NPNT: variants seen among roughly 807,000 people sequenced by gnomAD.
NPNT encodes preosteoblast EGF-like repeat protein with MAM domain.
In NPNT, 45 loss-of-function variants were observed where a neutral mutation model predicts 68.6. The ratio of observed to expected loss-of-function variants is 0.66; its 90% CI spans 0.52 to 0.84. The LOEUF is 0.84. Ranked by LOEUF, NPNT falls within the 40% of genes least tolerant of loss-of-function variation. The probability of loss-of-function intolerance (pLI) is 0.00; values close to 1 mark genes in which losing one functional copy is unlikely to be tolerated. For missense variants in NPNT, 672 were observed against 714.8 expected, an observed-to-expected ratio of 0.94 and a Z score of 0.68; for synonymous variants, 233 against 253.3, an observed-to-expected ratio of 0.92 and a Z score of 0.76.
At chr4:105,950,381 C>T (rs1164121975) in intron 8 of NPNT, among the ~76,000 whole-genome samples, 1 of 151,888 alleles carries the variant, frequency 6.6e-6, no homozygotes, top group African/African-American at 2.4e-5. Flanking sequence ...ATTCCTAATC[C>T]TTATGACACA....
Position 105,895,583 on chromosome 4 carries a change from C to A in NPNT, c.-70C>A. The A allele has an allele frequency of 7.9e-7, 1 of 1,265,668 alleles. No homozygotes were observed. Among genetic ancestry groups the A allele is most frequent in the Non-Finnish European group, 1.1e-6 (1 of 896,160 alleles). The allele number at this position is 1,265,668 out of a possible 1,614,324, so 78.4% of individuals were successfully genotyped here. The stretch of plus-strand genomic sequence containing the variant: ...TCGAGACTCTCAGAGGGGCGCCTCC[C>A]ATCGGCGCCCACCACCCCAACCTGT... On this transcript the variant is annotated 5_prime_UTR_variant, in exon 1 of 12. Transcript: ENST00000379987.
rs11355483 is a variant in NPNT, at chr4:105,920,395, TAA to T, written c.173-6918_173-6917del. 7.1e-3 allele frequency among the ~76,000 whole-genome samples: 562 copies of T among 79,478 alleles called. 5 individuals are homozygous for T. The highest frequency in any genetic ancestry group is 7.8e-3 in the Non-Finnish European group (320 of 40,844). The allele number at this position is 79,478 out of a possible 152,430, so 52.1% of individuals were successfully genotyped here. On this transcript the variant is annotated intron_variant, in intron 2 of 11. Transcript: ENST00000379987. ...GTGGGCATTGCTACTGTTACTCTAC[TAA>T]AAAAAAAAAAAAAAAAAAAAAACTT...
chr4:105,938,274 T>C, intron 4 of NPNT, 27 bp from the exon 5 acceptor site: 1 of 1,608,190 alleles, frequency 6.2e-7, no homozygotes, highest in Admixed American at 1.7e-5. Context: ...TCTACCTGTC[T>C]GAGTCAGCCA....
intron 8 of NPNT, among the ~76,000 whole-genome samples, chr4:105,948,938 G>T (rs974919636): frequency 6.6e-6 from 1 of 152,030 alleles, no homozygotes; most frequent in African/African-American, 2.4e-5. Flanking sequence ...GTTTTTTTAG[G>T]TTATATGACT....
At chr4:105,899,913 T>C (rs1437851406) in intron 2 of NPNT, among the ~76,000 whole-genome samples, 1 of 152,200 alleles carries the variant, frequency 6.6e-6, no homozygotes, top group East Asian at 1.9e-4. Context: ...AGAAGTAAGC[T>C]TGAAGGGGCA....
In NPNT at chr4:105,957,866, A is replaced by G. The variant is rs189714767; in HGVS notation, c.1160-605A>G. ...GGTCTGAGACGTGAAAATGAATGGC[A>G]TGTTTGGACAGCATTGTGTATTTTG... On this transcript the variant is annotated intron_variant, in intron 8 of 11. Coordinates refer to ENST00000379987, the MANE Select transcript of NPNT (RefSeq NM_001033047.3). Among the ~76,000 whole-genome samples, 11 of 152,272 alleles carry G rather than the reference A, an allele frequency of 7.2e-5. No individual in the cohort carries two copies. In the East Asian group the frequency reaches 2.1e-3, roughly 29 times the overall value.
chr4:105,961,868 A>G (rs1474083177), intron 10 of NPNT, among the ~76,000 whole-genome samples: 1 of 152,262 alleles, frequency 6.6e-6, no homozygotes. Flanking sequence ...TAAACTGACC[A>G]AACTACGGTT....
chr4:105,961,464 A>C (rs1261827132), intron 10 of NPNT, among the ~76,000 whole-genome samples: 1 of 152,220 alleles, frequency 6.6e-6, no homozygotes, highest in Non-Finnish European at 1.5e-5. Flanking sequence ...TGCTAAACTC[A>C]GGAGAATTCA....
At chr4:105,962,885 ATGTATG>A (rs1425311368) in intron 10 of NPNT, among the ~76,000 whole-genome samples, 3 of 150,546 alleles carry the variant, frequency 2.0e-5, no homozygotes, top group East Asian at 2.0e-4. Flanking sequence ...GTGTGTGTGT[ATGTATG>A]TGTATGTGTG....
Position 105,936,894 on chromosome 4 carries a change from AC to A in NPNT, c.266-114del, listed in dbSNP as rs201548096. 3.8e-3 allele frequency: 3,789 copies of A among 985,302 alleles called. 79 individuals are homozygous for A. The African/African-American group carries it at 0.051, about 13-fold the overall frequency. 61.0% of individuals were successfully genotyped at this position (985,302 alleles called of 1,614,324 possible). ...TCTATCTCTTATGTAAATGACAGTT[AC>A]TGTAGCTTGACCTATTTTTCTCTTT... On this transcript the variant is annotated intron_variant, in intron 3 of 11. Coordinates refer to ENST00000379987, the MANE Select transcript of NPNT (RefSeq NM_001033047.3).
chr4:105,969,030 C>T lies in NPNT; in HGVS notation c.*40C>T, dbSNP rs183131507. The T allele has an allele frequency of 7.8e-7, 1 of 1,277,078 alleles. No homozygotes were observed. Among genetic ancestry groups the T allele is most frequent in the Non-Finnish European group, 1.1e-6 (1 of 881,930 alleles). The allele number at this position is 1,277,078 out of a possible 1,614,324, so 79.1% of individuals were successfully genotyped here. ...ACAATGAACTCCTATGTTGCTCTATCCTCTTTTTCCAATTCTCATCTTCTC... is the reference window on the plus strand; with the variant it reads ...ACAATGAACTCCTATGTTGCTCTATTCTCTTTTTCCAATTCTCATCTTCTC... On this transcript the variant is annotated 3_prime_UTR_variant, in exon 12 of 12. Transcript: ENST00000379987.
At position 105,970,689 on chromosome 4, in the gene NPNT, T is replaced by A; in HGVS notation, c.*1699T>A. The stretch of plus-strand genomic sequence containing the variant: ...GTATCTCTCTCTCTTTCTAAAAAAT[T>A]AGATAAAAATTTGTCTATTTAAGAT... On this transcript the variant is annotated 3_prime_UTR_variant, in exon 12 of 12. Coordinates refer to ENST00000379987, the MANE Select transcript of NPNT (RefSeq NM_001033047.3). 1 of 497,936 alleles carries A rather than the reference T, an allele frequency of 2.0e-6. No individual in the cohort carries two copies. Among genetic ancestry groups the A allele is most frequent in the Non-Finnish European group, 3.7e-6 (1 of 269,632 alleles). 30.8% of individuals were successfully genotyped at this position (497,936 alleles called of 1,614,324 possible). A position where few individuals can be genotyped will look rare whatever the true frequency, so the allele number is the denominator to read the frequency against.
intron 8 of NPNT, among the ~76,000 whole-genome samples, chr4:105,950,237 G>A (rs1204447467): frequency 6.6e-6 from 1 of 152,094 alleles, no homozygotes; most frequent in Non-Finnish European, 1.5e-5. Context: ...TTACGAGAGG[G>A]AATATAACAT....
chr4:105,958,457 C>T lies in NPNT; in HGVS notation c.1160-14C>T, dbSNP rs377589302. On this transcript the variant is annotated splice_polypyrimidine_tract_variant and intron_variant, in intron 8 of 11. Transcript: ENST00000379987. The stretch of plus-strand genomic sequence containing the variant: ...CACACACACACACAAAAACTCAAAA[C>T]CTTTCTCTTGCAGTTCCACGGCAAC... 105 of 1,570,138 alleles carry T rather than the reference C, an allele frequency of 6.7e-5. No homozygotes were observed. In the African/African-American group the frequency reaches 1.3e-3, roughly 19 times the overall value.
chr4:105,967,932 T>C (rs1333195568), intron 11 of NPNT, among the ~76,000 whole-genome samples: 3 of 152,206 alleles, frequency 2.0e-5, no homozygotes, highest in East Asian at 3.9e-4. Flanking sequence ...TTAAGCAGCG[T>C]AGGGTGGGAA....
At chr4:105,940,856 T>A (rs1729889346) in intron 7 of NPNT, among the ~76,000 whole-genome samples, 1 of 152,208 alleles carries the variant, frequency 6.6e-6, no homozygotes, top group Admixed American at 6.5e-5. Context: ...AGTATTTTAA[T>A]CTCTTCACTG....
In NPNT at chr4:105,940,733, G is replaced by T. The variant is rs920807577; in HGVS notation, c.763+97G>T. The T allele has an allele frequency of 2.8e-6, 3 of 1,088,514 alleles. No individual in the cohort carries two copies. The African/African-American group carries it at 4.7e-5, about 17-fold the overall frequency. The allele number at this position is 1,088,514 out of a possible 1,614,324, so 67.4% of individuals were successfully genotyped here. On this transcript the variant is annotated intron_variant, in intron 7 of 11. Coordinates refer to ENST00000379987, the MANE Select transcript of NPNT (RefSeq NM_001033047.3). ...GAAAATAAGGAATAAGATTATCAAA[G>T]AAGTATAATTGTCATAATTGGTTAT...
chr4:105,930,306 G>C (rs536655821), intron 3 of NPNT, among the ~76,000 whole-genome samples: 13 of 152,258 alleles, frequency 8.5e-5, no homozygotes, highest in Admixed American at 5.9e-4. Context: ...TTCATCTAAT[G>C]GTTCTTAGTC....
chr4:105,908,781 T>G (rs979019610), intron 2 of NPNT, among the ~76,000 whole-genome samples: 6 of 152,170 alleles, frequency 3.9e-5, no homozygotes, highest in Non-Finnish European at 7.3e-5. Flanking sequence ...GGCAGGATGG[T>G]CTCGATCTCC....
Sources: allele counts gnomAD v4.1 joint callset (sites outside exome capture counted in the v4.1 genomes callset), GRCh38; gene constraint gnomAD v4.1.1; transcripts MANE v1.5; gene names NCBI Gene and HGNC (gene_info 2026-07-23, HGNC 2026-07-21).